FMC1: variants seen among roughly 807,000 people sequenced by gnomAD.
The protein encoded by FMC1 is protein FMC1 homolog.
In FMC1, 6 loss-of-function variants were observed where a neutral mutation model predicts 10.5. The ratio of observed to expected loss-of-function variants is 0.57; its 90% CI spans 0.31 to 1.12. The LOEUF (loss-of-function observed/expected upper bound fraction) is 1.12. Among genes scored for constraint, FMC1 ranks in the 50% most tolerant of loss-of-function variants. FMC1 has a pLI of 0.05. For missense variants in FMC1, 146 were observed against 151.7 expected (o/e 0.96, Z 0.20); for synonymous variants, 59 against 62.1 (o/e 0.95, Z 0.24).
At position 139,346,097 on chromosome 7, in the gene FMC1, C is replaced by T. The variant is rs950275410; in HGVS notation, c.*393C>T. 11 of 157,104 alleles carry T rather than the reference C, an allele frequency of 7.0e-5. No homozygotes were observed. Among genetic ancestry groups the T allele is most frequent in the Admixed American group, 3.8e-4 (6 of 15,688 alleles). The allele number at this position is 157,104 out of a possible 1,614,324, so 9.7% of individuals were successfully genotyped here. A position where few individuals can be genotyped will look rare whatever the true frequency, so the allele number is the denominator to read the frequency against. On this transcript the variant is annotated 3_prime_UTR_variant, in exon 2 of 2. Coordinates refer to ENST00000297534, the MANE Select transcript of FMC1 (RefSeq NM_197964.5). The stretch of plus-strand genomic sequence containing the variant: ...TACTAAAAATACAAAATTAGCCAGG[C>T]GTGGTGGCACATGCCTGTAATCCCA...
chr7:139,343,509 G>A (rs895647893), intron 1 of FMC1, among the ~76,000 whole-genome samples: 3 of 151,976 alleles, frequency 2.0e-5, no homozygotes, highest in Admixed American at 6.6e-5. Flanking sequence ...CCAAGAAGTC[G>A]ATCAAGGCTG....
Position 139,345,724 on chromosome 7 carries a change from A to T in FMC1, c.*20A>T, listed in dbSNP as rs766344502. 6.2e-7 allele frequency: 1 copy of T among 1,609,348 alleles called. No homozygotes were observed. The highest frequency in any genetic ancestry group is 2.2e-5 in the East Asian group (1 of 44,778). On this transcript the variant is annotated 3_prime_UTR_variant, in exon 2 of 2. Coordinates refer to ENST00000297534, the MANE Select transcript of FMC1 (RefSeq NM_197964.5). Reference sequence around the variant, plus strand: ...CCATGAACATGGAGAATATCCTTGGATGCTGCATTCATAGGAGAATTGAAT... The same window carrying T: ...CCATGAACATGGAGAATATCCTTGGTTGCTGCATTCATAGGAGAATTGAAT...
intron 1 of FMC1, among the ~76,000 whole-genome samples, chr7:139,342,034 G>A (rs1020703987): frequency 2.0e-5 from 3 of 152,152 alleles, no homozygotes; most frequent in Non-Finnish European, 2.9e-5. Flanking sequence ...GAGCAATGTG[G>A]GGAAAGGGAG....
chr7:139,340,636 G>C (rs9655911), upstream of FMC1: 29,693 of 396,700 alleles, frequency 0.075, 3,517 homozygotes, highest in African/African-American at 0.36. Context: ...CGAAAATGAA[G>C]TGACGATGAC....
At chr7:139,344,715 T>TTTG (rs1225139054) in intron 1 of FMC1, among the ~76,000 whole-genome samples, 1 of 126,412 alleles carries the variant, frequency 7.9e-6, no homozygotes, top group African/African-American at 2.9e-5. Flanking sequence ...TTTTTTTTTT[T>TTTG]TTGTTGAGAT....
In FMC1 at chr7:139,345,726, G is replaced by T. The variant is rs1468956996; in HGVS notation, c.*22G>T. 1.2e-6 allele frequency: 2 copies of T among 1,607,200 alleles called. No homozygotes were observed. On this transcript the variant is annotated 3_prime_UTR_variant, in exon 2 of 2. Coordinates refer to ENST00000297534, the MANE Select transcript of FMC1 (RefSeq NM_197964.5). ...ATGAACATGGAGAATATCCTTGGATGCTGCATTCATAGGAGAATTGAATAA... is the reference window on the plus strand; with the variant it reads ...ATGAACATGGAGAATATCCTTGGATTCTGCATTCATAGGAGAATTGAATAA...
intron 1 of FMC1, among the ~76,000 whole-genome samples, chr7:139,342,955 C>A (rs917891076): frequency 6.6e-6 from 1 of 152,188 alleles, no homozygotes; most frequent in Non-Finnish European, 1.5e-5. Context: ...GAATAACCAT[C>A]CCATTTTCTC....
At chr7:139,341,818 G>A (rs1239868149) in intron 1 of FMC1, among the ~76,000 whole-genome samples, 2 of 152,222 alleles carry the variant, frequency 1.3e-5, no homozygotes, top group Admixed American at 6.5e-5. Flanking sequence ...TCTGCGGAGG[G>A]CAGTCAGGAA....
upstream of FMC1, chr7:139,340,646 C>T (rs1265463077): frequency 1.8e-5 from 7 of 396,074 alleles, no homozygotes; most frequent in South Asian, 1.4e-4. Context: ...GTGACGATGA[C>T]GTACCAAAGA....
chr7:139,341,532 C>A lies in FMC1; in HGVS notation c.138+10C>A. The A allele has an allele frequency of 6.2e-7, 1 of 1,609,230 alleles. No individual in the cohort carries two copies. Among genetic ancestry groups the A allele is most frequent in the Non-Finnish European group, 8.5e-7 (1 of 1,176,554 alleles). The stretch of plus-strand genomic sequence containing the variant: ...TTTCCGTGCACATCGGGTACGGGAG[C>A]CATGTCCCGGGTGCTCTACGTGCTG... On this transcript the variant is annotated intron_variant, in intron 1 of 1. Transcript: ENST00000297534.
intron 1 of FMC1, 55 bp from the exon 2 acceptor site, chr7:139,345,446 C>T (rs1195514476): frequency 6.2e-7 from 1 of 1,605,868 alleles, no homozygotes; most frequent in Non-Finnish European, 8.5e-7. Context: ...AAATCTTTCT[C>T]TGTGGACCTG....
intron 1 of FMC1, among the ~76,000 whole-genome samples, chr7:139,342,546 A>C (rs1799037451): frequency 1.3e-5 from 2 of 151,988 alleles, no homozygotes; most frequent in African/African-American, 4.8e-5. Context: ...TAAGATTGTG[A>C]TCACCTCCCA....
At chr7:139,344,652 C>T (rs1799171940) in intron 1 of FMC1, among the ~76,000 whole-genome samples, 1 of 150,894 alleles carries the variant, frequency 6.6e-6, no homozygotes. Flanking sequence ...TACTATTTAG[C>T]ACAAAGCTAT....
At position 139,341,627 on chromosome 7, in the gene FMC1, C is replaced by T; in HGVS notation, c.138+105C>T. 3.3e-6 allele frequency: 5 copies of T among 1,499,412 alleles called. No individual in the cohort carries two copies. In the South Asian group the frequency reaches 5.1e-5, roughly 15 times the overall value. The allele number at this position is 1,499,412 out of a possible 1,614,324, so 92.9% of individuals were successfully genotyped here. A position where few individuals can be genotyped will look rare whatever the true frequency, so the allele number is the denominator to read the frequency against. ...TGTTTAATTCCTGCATTTCTGAGGC[C>T]AACCCTCCCACGGAGCCCTGGTTCT... is the stretch of plus-strand genomic sequence containing the variant. On this transcript the variant is annotated intron_variant, in intron 1 of 1. Coordinates refer to ENST00000297534, the MANE Select transcript of FMC1 (RefSeq NM_197964.5).
At position 139,341,393 on chromosome 7, in the gene FMC1, C is replaced by G. The variant is rs530614678; in HGVS notation, c.9C>G (p.Ala3=). 3 of 1,612,968 alleles carry G rather than the reference C, an allele frequency of 1.9e-6. No individual in the cohort carries two copies. The highest frequency in any genetic ancestry group is 1.7e-6 in the Non-Finnish European group (2 of 1,179,760). The change falls in exon 1 of 2, where the codon GCC becomes GCG. Residue 3 remains alanine, a synonymous_variant. Transcript: ENST00000297534. MA[A]LGSPSHTFRG... ...CGGAGAAGGACAGGACAATGGCGGC[C>G]TTAGGGTCCCCGTCGCACACTTTTC...
intron 1 of FMC1, among the ~76,000 whole-genome samples, chr7:139,343,500 C>G (rs1332887629): frequency 6.6e-6 from 1 of 151,916 alleles, no homozygotes; most frequent in Non-Finnish European, 1.5e-5. Flanking sequence ...CACTTGAGCC[C>G]AAGAAGTCGA....
At chr7:139,340,524 C>G (rs1379238824), upstream of FMC1, 2 of 398,414 alleles carry the variant, frequency 5.0e-6, no homozygotes. Context: ...GAGGGTAAAG[C>G]CTTTGGCGCG....
intron 1 of FMC1, among the ~76,000 whole-genome samples, chr7:139,344,295 C>G (rs998387211): frequency 6.6e-6 from 1 of 152,078 alleles, no homozygotes; most frequent in African/African-American, 2.4e-5. Context: ...ACCCCCCACC[C>G]CCACTCAGGA....
intron 1 of FMC1, among the ~76,000 whole-genome samples, chr7:139,344,082 C>G (rs1799139386): frequency 6.6e-6 from 1 of 151,936 alleles, no homozygotes; most frequent in African/African-American, 2.4e-5. Flanking sequence ...GCCTTGAATA[C>G]AGAACTAGTT....
Sources: allele counts gnomAD v4.1 joint callset (sites outside exome capture counted in the v4.1 genomes callset), GRCh38; gene constraint gnomAD v4.1.1; transcripts MANE v1.5; gene names NCBI Gene and HGNC (gene_info 2026-07-23, HGNC 2026-07-21).